JPH3: variants seen among roughly 807,000 people sequenced by gnomAD.
JPH3 encodes junctophilin-3.
A neutral mutation model predicts 59.6 loss-of-function variants in JPH3; 11 were observed. That is an observed-to-expected ratio of 0.18 (90% CI 0.12 to 0.31). The LOEUF (loss-of-function observed/expected upper bound fraction) is 0.31, where lower values mean the gene tolerates loss of function less well. JPH3 is among the 10% of genes least tolerant of loss of function. The pLI is 1.00. For synonymous variants in JPH3, 673 were observed against 483.6 expected (o/e 1.39, Z -5.14); for missense variants, 1,202 against 1,105.7 (o/e 1.09, Z -1.24).
In JPH3 at chr16:87,644,424, G is replaced by T. The variant is rs147646845; in HGVS notation, c.549G>T (p.Pro183=). 17 of 1,611,920 alleles carry T rather than the reference G, an allele frequency of 1.1e-5. No homozygotes were observed. The highest frequency in any genetic ancestry group is 1.4e-5 in the Non-Finnish European group (17 of 1,179,384). The part of the protein sequence containing the change: ...NGTALHPDAS[P]AVAGSPAVSR... The stretch of plus-strand genomic sequence containing the variant: ...CGGCGCTGCATCCCGACGCCTCTCC[G>T]GCGGTGGCCGGCAGCCCGGCCGTGT... Residue 183 remains proline, a synonymous_variant, in exon 2 of 5, where the codon CCG becomes CCT. Transcript: ENST00000284262.
chr16:87,631,159 TATTG>T lies in JPH3; in HGVS notation c.383-13090_383-13087del, dbSNP rs1297476218. On this transcript the variant is annotated intron_variant, in intron 1 of 4. Coordinates refer to ENST00000284262, the MANE Select transcript of JPH3 (RefSeq NM_020655.4). ...ACACAAATGTACAAATACGTTTGTT[TATTG>T]ATTGATTGCCTTCTTCCCAATTCTT... 2.6e-5 allele frequency among the ~76,000 whole-genome samples: 4 copies of T among 152,314 alleles called. No homozygotes were observed. The East Asian group carries it at 5.8e-4, about 22-fold the overall frequency.
At chr16:87,627,919 G>T (rs2031437027) in intron 1 of JPH3, among the ~76,000 whole-genome samples, 1 of 152,226 alleles carries the variant, frequency 6.6e-6, no homozygotes, top group South Asian at 2.1e-4. Flanking sequence ...CACTAACCCT[G>T]CTGTCTGCCA....
chr16:87,610,756 A>C (rs897152511), intron 1 of JPH3, among the ~76,000 whole-genome samples: 2 of 152,162 alleles, frequency 1.3e-5, no homozygotes, highest in African/African-American at 4.8e-5. Flanking sequence ...CCAGTGTTTC[A>C]TATGAGAAAG....
rs825584 is a variant in JPH3 at position 87,636,436 on chromosome 16, G to C, written c.383-7822G>C. Among the ~76,000 whole-genome samples, 6 of 152,054 alleles carry C rather than the reference G, an allele frequency of 3.9e-5. No individual in the cohort carries two copies. The East Asian group carries it at 7.7e-4, about 20-fold the overall frequency. On this transcript the variant is annotated intron_variant, in intron 1 of 4. Coordinates refer to ENST00000284262, the MANE Select transcript of JPH3 (RefSeq NM_020655.4). ...GCAGGCGTGTGCGCTCAATAGCTCC[G>C]TCACAGTGGCTGTCGCTTTATTGAG... is the stretch of plus-strand genomic sequence containing the variant.
rs2033874387 is a variant in JPH3 at position 87,696,695 on chromosome 16, A to C, written c.*35A>C. ...GCGGTAGCAAAAATAGAGAAAGGGT[A>C]GAAAAAAGGGACATTAAAATTAAAA... On this transcript the variant is annotated 3_prime_UTR_variant, in exon 5 of 5. Coordinates refer to ENST00000284262, the MANE Select transcript of JPH3 (RefSeq NM_020655.4). 2 of 1,537,164 alleles carry C rather than the reference A, an allele frequency of 1.3e-6. No individual in the cohort carries two copies. The highest frequency in any genetic ancestry group is 2.2e-5 in the South Asian group (2 of 89,500).
intron 2 of JPH3, among the ~76,000 whole-genome samples, chr16:87,660,574 A>G (rs949984576): frequency 2.0e-5 from 3 of 152,162 alleles, no homozygotes; most frequent in African/African-American, 7.2e-5. Flanking sequence ...GGTCTGGCAC[A>G]TGTCCGTTGT....
chr16:87,649,227 A>T (rs2032251609), intron 2 of JPH3, among the ~76,000 whole-genome samples: 1 of 152,194 alleles, frequency 6.6e-6, no homozygotes, highest in South Asian at 2.1e-4. Context: ...GCCTCACCCC[A>T]GTGGGAACTC....
At chr16:87,673,316 T>TA (rs1352518077) in intron 2 of JPH3, among the ~76,000 whole-genome samples, 8 of 98,850 alleles carry the variant, frequency 8.1e-5, no homozygotes, top group South Asian at 3.6e-4. Flanking sequence ...TGGGAGAGAT[T>TA]TAAAAAAAAA....
At position 87,603,094 on chromosome 16, in the gene JPH3, G is replaced by A. The variant is rs946308400; in HGVS notation, c.-53G>A. ...CCGGCGGCCGCGACTCTGCTGTGTC[G>A]ATCGCCTGAGTCCGTTTTCACCGTT... On this transcript the variant is annotated 5_prime_UTR_variant, in exon 1 of 5. Transcript: ENST00000284262. The A allele has an allele frequency of 1.5e-5, 24 of 1,611,804 alleles. 1 individual carries two copies. The Admixed American group carries it at 4.0e-4, about 27-fold the overall frequency.
chr16:87,607,307 C>T (rs1328277035), intron 1 of JPH3, among the ~76,000 whole-genome samples: 1 of 152,164 alleles, frequency 6.6e-6, no homozygotes, highest in Non-Finnish European at 1.5e-5. Flanking sequence ...ATAAGCCCTC[C>T]TACACCCTGA....
chr16:87,652,660 G>T (rs1470235401), intron 2 of JPH3, among the ~76,000 whole-genome samples: 1 of 152,228 alleles, frequency 6.6e-6, no homozygotes, highest in Non-Finnish European at 1.5e-5. Flanking sequence ...CGTCTGTCCT[G>T]GAGGCCAGGC....
chr16:87,672,058 C>G (rs765668811), intron 2 of JPH3, among the ~76,000 whole-genome samples: 3 of 152,066 alleles, frequency 2.0e-5, no homozygotes, highest in Non-Finnish European at 4.4e-5. Context: ...GCGGTGCCCT[C>G]GCTCAACCGG....
chr16:87,608,251 C>CTT (rs1287627568), intron 1 of JPH3, among the ~76,000 whole-genome samples: 1 of 152,238 alleles, frequency 6.6e-6, no homozygotes, highest in Non-Finnish European at 1.5e-5. Flanking sequence ...TCTGCTGTTC[C>CTT]TTTCCAAGAC....
At position 87,698,072 on chromosome 16, in the gene JPH3, C is replaced by G. The variant is rs972148284; in HGVS notation, c.*1412C>G. On this transcript the variant is annotated 3_prime_UTR_variant, in exon 5 of 5. Coordinates refer to ENST00000284262, the MANE Select transcript of JPH3 (RefSeq NM_020655.4). ...GTTTAGCTGTTTCTCTGCTACCTTT[C>G]GAGCAGACTTCTTTACTACACTGCA... 2 of 152,644 alleles carry G rather than the reference C, an allele frequency of 1.3e-5. No individual in the cohort carries two copies. Among genetic ancestry groups the G allele is most frequent in the East Asian group, 3.8e-4 (2 of 5,200 alleles). 9.5% of individuals were successfully genotyped at this position (152,644 alleles called of 1,614,324 possible). A position where few individuals can be genotyped will look rare whatever the true frequency, so the allele number is the denominator to read the frequency against.
At position 87,602,788 on chromosome 16, in the gene JPH3, GC is replaced by G. The variant is rs1379888844; in HGVS notation, c.-358del. On this transcript the variant is annotated 5_prime_UTR_variant, in exon 1 of 5. Coordinates refer to ENST00000284262, the MANE Select transcript of JPH3 (RefSeq NM_020655.4). ...CTCGGCGCGGCGCCCTCCCCGCGGG[GC>G]TGCCGGCGAGGGGCCCTCTCGCCGC... The G allele has an allele frequency of 1.5e-5, 2 of 133,502 alleles. No homozygotes were observed. Among genetic ancestry groups the G allele is most frequent in the African/African-American group, 5.5e-5 (2 of 36,658 alleles). The allele number at this position is 133,502 out of a possible 1,614,324, so 8.3% of individuals were successfully genotyped here.
intron 3 of JPH3, among the ~76,000 whole-genome samples, chr16:87,687,214 C>G (rs958441378): frequency 6.6e-6 from 1 of 152,144 alleles, no homozygotes; most frequent in African/African-American, 2.4e-5. Context: ...CTTCCTCAGT[C>G]GTCCTCACAG....
chr16:87,697,679 C>G lies in JPH3; in HGVS notation c.*1019C>G, dbSNP rs1298242200. The G allele has an allele frequency of 1.3e-5, 2 of 152,292 alleles. No individual in the cohort carries two copies. Among genetic ancestry groups the G allele is most frequent in the Non-Finnish European group, 2.9e-5 (2 of 68,074 alleles). 9.4% of individuals were successfully genotyped at this position (152,292 alleles called of 1,614,324 possible). ...CATATTCCTTCCAGATGCCTCAGTG[C>G]TACACCACAGTGGGCCTGGTCCCAG... On this transcript the variant is annotated 3_prime_UTR_variant, in exon 5 of 5. Transcript: ENST00000284262.
intron 2 of JPH3, among the ~76,000 whole-genome samples, chr16:87,672,376 G>T (rs553760495): frequency 1.3e-5 from 2 of 152,306 alleles, no homozygotes; most frequent in East Asian, 3.9e-4. Flanking sequence ...GACCCCCGCT[G>T]AGGGTGGTAA....
At chr16:87,646,505 A>C (rs1380770606) in intron 2 of JPH3, among the ~76,000 whole-genome samples, 2 of 152,190 alleles carry the variant, frequency 1.3e-5, no homozygotes, top group African/African-American at 4.8e-5. Flanking sequence ...ATCAGTAGTT[A>C]TTTTTTCCAT....
Sources: gnomAD v4.1 joint callset for allele counts (sites outside exome capture counted in the v4.1 genomes callset) on GRCh38, gnomAD v4.1.1 for gene constraint, MANE v1.5 for transcripts, NCBI Gene and HGNC (gene_info 2026-07-23, HGNC 2026-07-21) for gene names.